Variants in NEURL1B observed in about 807,000 individuals in gnomAD.
The protein encoded by NEURL1B is neuralized E3 ubiquitin protein ligase 1B.
A neutral mutation model predicts 37.4 loss-of-function variants in NEURL1B; 13 were observed. The observed-to-expected ratio is 0.35, with a 90% CI of 0.23 to 0.55. The LOEUF is 0.55. Among genes scored for constraint, NEURL1B ranks in the 20% least tolerant of loss-of-function variants. NEURL1B has a pLI of 0.89. For synonymous variants in NEURL1B, 432 were observed against 426.6 expected (o/e 1.01, Z -0.16); for missense variants, 790 against 879.2 (o/e 0.90, Z 1.28).
Position 172,641,832 on chromosome 5 carries a change from G to A in NEURL1B, c.31+395G>A, listed in dbSNP as rs1412570835. Among the ~76,000 whole-genome samples the A allele has an allele frequency of 6.6e-6, 1 of 152,220 alleles. No homozygotes were observed. Among genetic ancestry groups the A allele is most frequent in the Non-Finnish European group, 1.5e-5 (1 of 68,024 alleles). Reference sequence around the variant, plus strand: ...GGCTTCCGACGGTCAGAAGCCACCCGTGGTGCCAAGACTGCAGCTGCCGAG... The same window carrying A: ...GGCTTCCGACGGTCAGAAGCCACCCATGGTGCCAAGACTGCAGCTGCCGAG... On this transcript the variant is annotated intron_variant, in intron 1 of 4. Transcript: ENST00000369800. The surrounding 1 kb of genome is among the most constrained non-coding windows in gnomAD (Gnocchi z 6.4).
intron 2 of NEURL1B, among the ~76,000 whole-genome samples, chr5:172,677,833 A>G (rs527968797): frequency 6.6e-6 from 1 of 152,054 alleles, no homozygotes; most frequent in East Asian, 1.9e-4. Flanking sequence ...AACACCCTCC[A>G]TCAGCCCCCT....
intron 2 of NEURL1B, among the ~76,000 whole-genome samples, chr5:172,679,237 C>CA (rs1758299494): frequency 6.6e-6 from 1 of 152,236 alleles, no homozygotes; most frequent in South Asian, 2.1e-4. Context: ...CTGTCACCCC[C>CA]AGGCTATGTG....
At chr5:172,670,406 C>T in intron 2 of NEURL1B, 76 bp downstream of exon 2, 1 of 1,183,706 alleles carries the variant, frequency 8.4e-7, no homozygotes, top group Non-Finnish European at 1.1e-6. Context: ...TCATTAGTAG[C>T]CACAGTCACT....
chr5:172,671,346 T>C (rs950031900), intron 2 of NEURL1B, among the ~76,000 whole-genome samples: 3 of 152,148 alleles, frequency 2.0e-5, no homozygotes, highest in Admixed American at 6.5e-5. Flanking sequence ...ACACAGCTCT[T>C]GGTGTAGCTT....
At chr5:172,656,815 A>T (rs1484342368) in intron 1 of NEURL1B, 3 of 644,862 alleles carry the variant, frequency 4.7e-6, no homozygotes, top group Admixed American at 2.5e-5. Flanking sequence ...TAAAACTCCT[A>T]ACAACCGCCA....
In NEURL1B at chr5:172,691,529, A is replaced by T. The variant is rs777029525; in HGVS notation, c.*4604A>T. 1.0e-5 allele frequency: 1 copy of T among 98,438 alleles called. No individual in the cohort carries two copies. Among genetic ancestry groups the T allele is most frequent in the Non-Finnish European group, 2.4e-5 (1 of 42,064 alleles). 6.1% of individuals were successfully genotyped at this position (98,438 alleles called of 1,614,324 possible). On this transcript the variant is annotated 3_prime_UTR_variant, in exon 5 of 5. Coordinates refer to ENST00000369800, the MANE Select transcript of NEURL1B (RefSeq NM_001142651.3). ...TAAAAAAATACAACTTTGGCTTGTT[A>T]AAAAAAAAAAAGTCTTCAGAACTCA... is the stretch of plus-strand genomic sequence containing the variant.
chr5:172,682,441 T>G (rs919200902), intron 2 of NEURL1B, among the ~76,000 whole-genome samples: 13 of 152,098 alleles, frequency 8.5e-5, no homozygotes, highest in Non-Finnish European at 1.3e-4. Context: ...CCGGGAGTGG[T>G]GGCAGGCACC....
chr5:172,686,314 CTGGCAG>C lies in NEURL1B; in HGVS notation c.1423+19_1423+24del. ...ATCCCTGGGTAAGGAAATGCAAACC[CTGGCAG>C]GGGCAGGGGCTGGCGGCTGGCCTGG... On this transcript the variant is annotated intron_variant, in intron 4 of 4. Transcript: ENST00000369800. This position sits in a 1 kb window ranked among gnomAD's most constrained non-coding sequence, Gnocchi z 7.9. The C allele has an allele frequency of 6.4e-7, 1 of 1,551,250 alleles. No homozygotes were observed.
Position 172,687,095 on chromosome 5 carries a change from G to C in NEURL1B, c.*170G>C. The C allele has an allele frequency of 1.3e-6, 1 of 782,650 alleles. No homozygotes were observed. The highest frequency in any genetic ancestry group is 2.0e-6 in the Non-Finnish European group (1 of 508,846). The allele number at this position is 782,650 out of a possible 1,614,324, so 48.5% of individuals were successfully genotyped here. ...CCCACAGGGCCTCAGCCCAGGCAGG[G>C]GTTGCTTCTGGCTCCAAAGTGCTTT... On this transcript the variant is annotated 3_prime_UTR_variant, in exon 5 of 5. Coordinates refer to ENST00000369800, the MANE Select transcript of NEURL1B (RefSeq NM_001142651.3).
intron 3 of NEURL1B, among the ~76,000 whole-genome samples, chr5:172,684,824 T>A (rs1758454419): frequency 6.6e-6 from 1 of 152,112 alleles, no homozygotes; most frequent in Non-Finnish European, 1.5e-5. Flanking sequence ...GGTGTGACAT[T>A]TGCTACAGCC....
chr5:172,672,852 G>A (rs754025313), intron 2 of NEURL1B, among the ~76,000 whole-genome samples: 9 of 152,114 alleles, frequency 5.9e-5, no homozygotes, highest in African/African-American at 9.7e-5. Context: ...TGGGTGATGA[G>A]ATAATGGGTG....
At position 172,641,575 on chromosome 5, in the gene NEURL1B, G is replaced by GGA; in HGVS notation, c.31+139_31+140dup. 1 of 714,090 alleles carries GGA rather than the reference G, an allele frequency of 1.4e-6. No homozygotes were observed. Among genetic ancestry groups the GGA allele is most frequent in the Non-Finnish European group, 1.9e-6 (1 of 516,708 alleles). 44.2% of individuals were successfully genotyped at this position (714,090 alleles called of 1,614,324 possible). A position where few individuals can be genotyped will look rare whatever the true frequency, so the allele number is the denominator to read the frequency against. ...CGGGCTGGAGTCTCCGGTACCTCCC[G>GGA]GACCTCAGCTCGGCGCGCGCCCCGC... is the stretch of plus-strand genomic sequence containing the variant. On this transcript the variant is annotated intron_variant, in intron 1 of 4. Coordinates refer to ENST00000369800, the MANE Select transcript of NEURL1B (RefSeq NM_001142651.3). The surrounding 1 kb of genome is among the most constrained non-coding windows in gnomAD (Gnocchi z 6.4).
chr5:172,650,006 A>C (rs1757632765), intron 1 of NEURL1B, among the ~76,000 whole-genome samples: 1 of 152,198 alleles, frequency 6.6e-6, no homozygotes, highest in Non-Finnish European at 1.5e-5. Flanking sequence ...CATTTGGGGA[A>C]ATGGGTGGGG....
At chr5:172,644,330 G>A (rs1200688683) in intron 1 of NEURL1B, among the ~76,000 whole-genome samples, 3 of 152,142 alleles carry the variant, frequency 2.0e-5, no homozygotes, top group African/African-American at 7.2e-5. Context: ...CACCTAGTTG[G>A]CAGAACTGGG....
intron 3 of NEURL1B, among the ~76,000 whole-genome samples, chr5:172,685,714 C>G (rs1412955593): frequency 6.6e-6 from 1 of 152,242 alleles, no homozygotes; most frequent in Non-Finnish European, 1.5e-5. Flanking sequence ...TGGCATCACT[C>G]TCAGGCAGGC....
intron 2 of NEURL1B, among the ~76,000 whole-genome samples, chr5:172,673,001 C>T (rs1453589332): frequency 7.0e-6 from 1 of 141,950 alleles, no homozygotes; most frequent in Admixed American, 6.8e-5. Context: ...GGGGAAGTTT[C>T]TGACACGTGA....
intron 1 of NEURL1B, chr5:172,662,084 C>G (rs1043751446): frequency 6.6e-6 from 1 of 152,226 alleles, no homozygotes; most frequent in African/African-American, 2.4e-5. Flanking sequence ...CTTTCCTAGT[C>G]AAAGGAACTA....
intron 2 of NEURL1B, among the ~76,000 whole-genome samples, chr5:172,678,601 C>G (rs995814794): frequency 6.6e-6 from 1 of 150,464 alleles, no homozygotes; most frequent in Non-Finnish European, 1.5e-5. Flanking sequence ...GACACCACCC[C>G]CTTGGTTGGC....
At chr5:172,670,885 G>A (rs1758118506) in intron 2 of NEURL1B, among the ~76,000 whole-genome samples, 1 of 152,188 alleles carries the variant, frequency 6.6e-6, no homozygotes, top group South Asian at 2.1e-4. Context: ...AGTTAGGTGT[G>A]GCGAACCCCG....
Sources: allele counts gnomAD v4.1 joint callset (sites outside exome capture counted in the v4.1 genomes callset), GRCh38; gene constraint gnomAD v4.1.1; non-coding constraint Gnocchi (gnomAD v3.1); transcripts MANE v1.5; gene names NCBI Gene and HGNC (gene_info 2026-07-23, HGNC 2026-07-21).